The following LARP4B variants were observed in gnomAD, a reference collection of about 807,000 sequenced individuals.
The protein encoded by LARP4B is La ribonucleoprotein 4B.
In LARP4B, 12 loss-of-function variants were observed where a neutral mutation model predicts 89.8. That is an observed-to-expected ratio of 0.13 (90% confidence interval 0.09 to 0.22). The LOEUF (loss-of-function observed/expected upper bound fraction) is 0.22, where lower values mean the gene tolerates loss of function less well. Ranked by LOEUF, LARP4B falls within the 10% of genes least tolerant of loss-of-function variation. LARP4B has a pLI of 1.00. For missense variants in LARP4B, 757 were observed against 947.7 expected, an observed-to-expected ratio of 0.80 and a Z score of 2.64; for synonymous variants, 367 against 363.3, an observed-to-expected ratio of 1.01 and a Z score of -0.12.
At chr10:913,137 G>A (rs1243952838) in intron 1 of LARP4B, among the ~76,000 whole-genome samples, 1 of 152,214 alleles carries the variant, frequency 6.6e-6, no homozygotes, top group East Asian at 1.9e-4. Context: ...TTTCACCTGA[G>A]AGTCATGTCT....
chr10:847,660 G>C (rs1320368489), intron 5 of LARP4B, among the ~76,000 whole-genome samples: 1 of 152,028 alleles, frequency 6.6e-6, no homozygotes, highest in African/African-American at 2.4e-5. Context: ...CTGAGTAGCG[G>C]GGATTACAGG....
chr10:909,264 A>T (rs1269925268), intron 1 of LARP4B, among the ~76,000 whole-genome samples: 1 of 146,052 alleles, frequency 6.8e-6, no homozygotes, highest in Non-Finnish European at 1.5e-5. Flanking sequence ...ACTGCAATCC[A>T]GCCTGGGCGA....
At chr10:832,233 T>C (rs954122562) in intron 8 of LARP4B, among the ~76,000 whole-genome samples, 9 of 151,840 alleles carry the variant, frequency 5.9e-5, no homozygotes, top group African/African-American at 9.7e-5. Flanking sequence ...TTAGTAGAGA[T>C]GGGGTTTCAC....
At chr10:981,571 T>A in the LARP4B span, among the ~76,000 whole-genome samples, 1 of 152,274 alleles carries the variant, frequency 6.6e-6, no homozygotes, top group Middle Eastern at 3.4e-3. Context: ...ACTTTTTTTT[T>A]GTTTCGTTTT....
At chr10:873,055 T>C (rs1564423463) in intron 3 of LARP4B, 2 of 985,306 alleles carry the variant, frequency 2.0e-6, no homozygotes, top group Non-Finnish European at 2.4e-6. Context: ...TCTTGTTTTC[T>C]GGTTCCTTTT....
At position 813,097 on chromosome 10, in the gene LARP4B, C is replaced by T. The variant is rs750069709; in HGVS notation, c.2046G>A (p.Glu682=). 1.2e-6 allele frequency: 2 copies of T among 1,614,204 alleles called. No individual in the cohort carries two copies. The highest frequency in any genetic ancestry group is 8.5e-7 in the Non-Finnish European group (1 of 1,180,040). Residue 682 remains glutamate, a synonymous_variant, in exon 18 of 18, where the codon GAG becomes GAA. Coordinates refer to ENST00000316157, the MANE Select transcript of LARP4B (RefSeq NM_015155.3). ...QKPNTVGCGK[E]EKKLAEPAER... is the part of the protein sequence containing the mutation. ...CTGCGGGCTCTGCCAGCTTCTTTTCCTCCTTCCCACAACCAACAGTGTTTG... is the reference window on the plus strand; with the variant it reads ...CTGCGGGCTCTGCCAGCTTCTTTTCTTCCTTCCCACAACCAACAGTGTTTG...
chr10:815,672 C>G (rs1832007274), intron 15 of LARP4B: 1 of 152,266 alleles, frequency 6.6e-6, no homozygotes, highest in Non-Finnish European at 1.5e-5. Flanking sequence ...TTACTCCAGC[C>G]AGCGACCCCT....
Position 825,297 on chromosome 10 carries a change from G to A in LARP4B, c.1252C>T (p.Leu418=). 1 of 1,614,022 alleles carries A rather than the reference G, an allele frequency of 6.2e-7. No individual in the cohort carries two copies. The highest frequency in any genetic ancestry group is 1.1e-5 in the South Asian group (1 of 91,084). ...TCTGCACTAGGAATCGCATGCCGCA[G>A]ATGAGATTTACTAGGATTCCTGTAA... ...PRSRNPSKSH[L]RHAIPSAERG... is the part of the protein sequence containing the mutation. The change falls in exon 13 of 18, where the codon CTG becomes TTG. Residue 418 remains leucine (L), a synonymous_variant. Coordinates refer to ENST00000316157, the MANE Select transcript of LARP4B (RefSeq NM_015155.3).
the LARP4B span, chr10:985,903 G>A: frequency 6.6e-6 from 1 of 152,230 alleles, no homozygotes; most frequent in Non-Finnish European, 1.5e-5. Context: ...TGTCCACGAA[G>A]AGCTGGCTAC....
intron 8 of LARP4B, among the ~76,000 whole-genome samples, chr10:835,693 T>G (rs551387118): frequency 3.2e-4 from 48 of 152,266 alleles, no homozygotes; most frequent in Non-Finnish European, 6.0e-4. Flanking sequence ...TCCCTAAAAT[T>G]ACTGCCCAAG....
intron 1 of LARP4B, among the ~76,000 whole-genome samples, chr10:924,753 A>G (rs567537929): frequency 3.9e-5 from 6 of 152,278 alleles, no homozygotes; most frequent in Admixed American, 1.3e-4. Context: ...GATCCCTCCC[A>G]TCCAGGCCGG....
At chr10:815,446 C>G in intron 15 of LARP4B, 1 of 158,810 alleles carries the variant, frequency 6.3e-6, no homozygotes, top group Non-Finnish European at 1.4e-5. Flanking sequence ...AATCCTAACA[C>G]AGTCCAACAC....
At chr10:917,126 T>G (rs182701742) in intron 1 of LARP4B, among the ~76,000 whole-genome samples, 1 of 152,344 alleles carries the variant, frequency 6.6e-6, no homozygotes, top group Admixed American at 6.5e-5. Flanking sequence ...TCAAGCAGAA[T>G]AAAACTTAAT....
chr10:878,760 C>CAACT (rs1835557052), intron 3 of LARP4B, among the ~76,000 whole-genome samples: 3 of 152,194 alleles, frequency 2.0e-5, no homozygotes, highest in Admixed American at 1.3e-4. Context: ...TCTCTCAGTA[C>CAACT]AACTGTTTGC....
chr10:816,013 G>A (rs538387728), intron 15 of LARP4B, among the ~76,000 whole-genome samples: 1 of 152,356 alleles, frequency 6.6e-6, no homozygotes, highest in African/African-American at 2.4e-5. Flanking sequence ...CGAATCACCT[G>A]AGGTCAGGGG....
At chr10:889,629 C>A (rs190335774) in intron 1 of LARP4B, among the ~76,000 whole-genome samples, 1 of 152,334 alleles carries the variant, frequency 6.6e-6, no homozygotes, top group Non-Finnish European at 1.5e-5. Context: ...AATCCAATGT[C>A]TAGACACTAA....
At chr10:913,510 G>A (rs1442827982) in intron 1 of LARP4B, among the ~76,000 whole-genome samples, 1 of 152,192 alleles carries the variant, frequency 6.6e-6, no homozygotes, top group Non-Finnish European at 1.5e-5. Flanking sequence ...AATGAAAGGA[G>A]CTATGTCTTC....
At chr10:869,913 T>C (rs1161171548) in intron 3 of LARP4B, 1 of 109,792 alleles carries the variant, frequency 9.1e-6, no homozygotes, top group African/African-American at 3.4e-5. Context: ...TAAATAATAA[T>C]AATAATAATA....
the LARP4B span, among the ~76,000 whole-genome samples, chr10:951,692 C>T: frequency 4.6e-5 from 7 of 152,328 alleles, no homozygotes; most frequent in Non-Finnish European, 1.0e-4. Context: ...CCACTAGGAG[C>T]CACAGATAGA....
Sources: gnomAD v4.1 joint callset for allele counts (sites outside exome capture counted in the v4.1 genomes callset) on GRCh38, gnomAD v4.1.1 for gene constraint, MANE v1.5 for transcripts, NCBI Gene and HGNC (gene_info 2026-07-23, HGNC 2026-07-21) for gene names.